The following FNBP1 variants were observed in gnomAD, a reference collection of about 807,000 sequenced individuals.
FNBP1 encodes the protein formin-binding protein 1.
A neutral mutation model predicts 90.6 loss-of-function variants in FNBP1; 26 were observed. The ratio of observed to expected loss-of-function variants is 0.29; its 90% CI spans 0.21 to 0.40. The LOEUF is 0.40. Among genes scored for constraint, FNBP1 ranks in the 10% least tolerant of loss-of-function variants. FNBP1 has a pLI of 1.00. For missense variants in FNBP1, 635 were observed against 768.0 expected (o/e 0.83, Z 2.05); for synonymous variants, 260 against 265.2 (o/e 0.98, Z 0.19).
chr9:130,035,561 C>A (rs1445640799), intron 1 of FNBP1, among the ~76,000 whole-genome samples: 1 of 152,188 alleles, frequency 6.6e-6, no homozygotes, highest in Admixed American at 6.5e-5. Context: ...AACAAATAAA[C>A]AAGATGATGG....
chr9:130,002,256 TAAAC>T (rs1396494591), intron 1 of FNBP1, among the ~76,000 whole-genome samples: 1 of 152,194 alleles, frequency 6.6e-6, no homozygotes, highest in East Asian at 1.9e-4. Context: ...ACTTAGGTAA[TAAAC>T]AACCTAATAG....
chr9:130,023,069 A>G (rs758740365), intron 1 of FNBP1, among the ~76,000 whole-genome samples: 1 of 152,204 alleles, frequency 6.6e-6, no homozygotes, highest in African/African-American at 2.4e-5. Flanking sequence ...CCAAGATATT[A>G]TAAGTGGTAA....
chr9:129,984,067 C>T (rs989642106), intron 2 of FNBP1, among the ~76,000 whole-genome samples: 2 of 152,034 alleles, frequency 1.3e-5, no homozygotes, highest in Non-Finnish European at 2.9e-5. Flanking sequence ...ATGACTTACT[C>T]GGCCCTATTC....
intron 11 of FNBP1, 116 bp downstream of exon 11, chr9:129,915,850 A>C: frequency 1.4e-6 from 1 of 729,894 alleles, no homozygotes; most frequent in Non-Finnish European, 2.4e-6. Flanking sequence ...AGCACACGTA[A>C]GAGAAACACA....
At position 129,974,102 on chromosome 9, in the gene FNBP1, G is replaced by A. The variant is rs765903357; in HGVS notation, c.345+4363C>T. 9.2e-5 allele frequency among the ~76,000 whole-genome samples: 14 copies of A among 152,226 alleles called. No individual in the cohort carries two copies. In the East Asian group the frequency reaches 1.9e-3, roughly 21 times the overall value. On this transcript the variant is annotated intron_variant, in intron 4 of 16. Coordinates refer to ENST00000446176, the MANE Select transcript of FNBP1 (RefSeq NM_015033.3). ...CCTCCCAATTGCTGGGATTACAGGC[G>A]TGAGTCACCGCGCCCAGCCAAACAG...
chr9:129,964,985 G>C (rs1454173711), intron 4 of FNBP1, among the ~76,000 whole-genome samples: 1 of 152,068 alleles, frequency 6.6e-6, no homozygotes, highest in Admixed American at 6.6e-5. Context: ...GACTTGAAAA[G>C]GGCAAAGAAA....
intron 9 of FNBP1, among the ~76,000 whole-genome samples, 173 bp from the exon 10 acceptor site, chr9:129,924,199 A>G (rs2041538911): frequency 6.6e-6 from 1 of 152,228 alleles, no homozygotes; most frequent in African/African-American, 2.4e-5. Context: ...GAAGAATATG[A>G]TGAGAGTTGG....
intron 4 of FNBP1, 109 bp from the exon 5 acceptor site, chr9:129,958,662 A>G: frequency 2.4e-6 from 2 of 846,538 alleles, no homozygotes; most frequent in Non-Finnish European, 3.8e-6. Flanking sequence ...AACCTCTAGT[A>G]TGTATGCTCC....
chr9:129,951,887 G>A (rs911538551), intron 6 of FNBP1, among the ~76,000 whole-genome samples: 1 of 151,974 alleles, frequency 6.6e-6, no homozygotes, highest in Non-Finnish European at 1.5e-5. Flanking sequence ...ACAATACCGT[G>A]AAAAGCATGA....
chr9:130,046,706 T>C (rs910238479), upstream of FNBP1, among the ~76,000 whole-genome samples: 16 of 133,962 alleles, frequency 1.2e-4, no homozygotes, highest in African/African-American at 4.4e-4. Context: ...AGGCGGAGGG[T>C]GCGGTGAGCT....
At chr9:129,930,336 T>A (rs981407209) in intron 6 of FNBP1, among the ~76,000 whole-genome samples, 2 of 152,150 alleles carry the variant, frequency 1.3e-5, no homozygotes, top group Non-Finnish European at 2.9e-5. Context: ...GTGCTGGGAT[T>A]ATGGGCATGA....
At chr9:129,981,213 G>A (rs1265640960) in intron 2 of FNBP1, among the ~76,000 whole-genome samples, 1 of 151,972 alleles carries the variant, frequency 6.6e-6, no homozygotes, top group Non-Finnish European at 1.5e-5. Flanking sequence ...CTCGCCTCCC[G>A]AGTACCTGGG....
intron 10 of FNBP1, among the ~76,000 whole-genome samples, chr9:129,917,466 G>A (rs2040432043): frequency 1.3e-5 from 2 of 152,080 alleles, no homozygotes; most frequent in African/African-American, 4.8e-5. Context: ...CTGAGTAGCT[G>A]GGACTATAGG....
At chr9:130,040,536 G>A (rs2059726754) in intron 1 of FNBP1, among the ~76,000 whole-genome samples, 1 of 150,186 alleles carries the variant, frequency 6.7e-6, no homozygotes, top group Middle Eastern at 3.5e-3. Flanking sequence ...CAGGAGAATC[G>A]TTTGAACCTG....
chr9:130,017,984 G>A (rs1373224272), intron 1 of FNBP1, among the ~76,000 whole-genome samples: 2 of 132,554 alleles, frequency 1.5e-5, no homozygotes, highest in Non-Finnish European at 3.1e-5. Flanking sequence ...TGCAATCTCG[G>A]CTCACTGCAA....
At chr9:129,944,022 CTGA>C (rs1034515751) in intron 6 of FNBP1, among the ~76,000 whole-genome samples, 3 of 137,642 alleles carry the variant, frequency 2.2e-5, no homozygotes, top group Non-Finnish European at 3.1e-5. Context: ...TGCTATCGTT[CTGA>C]TGATCTTCAC....
chr9:129,891,347 C>G (rs942576793), intron 16 of FNBP1, among the ~76,000 whole-genome samples: 5 of 152,070 alleles, frequency 3.3e-5, no homozygotes, highest in African/African-American at 1.2e-4. Context: ...GCCTGTAGTC[C>G]CGGCTATTCG....
chr9:129,927,449 G>T, intron 7 of FNBP1, 108 bp from the exon 8 acceptor site: 1 of 1,071,978 alleles, frequency 9.3e-7, no homozygotes, highest in Non-Finnish European at 1.4e-6. Context: ...GGAAAAAATG[G>T]GTTAGAGTTA....
intron 1 of FNBP1, among the ~76,000 whole-genome samples, chr9:130,024,320 G>C (rs1413956007): frequency 6.6e-6 from 1 of 151,922 alleles, no homozygotes; most frequent in East Asian, 1.9e-4. Flanking sequence ...GCGTGGTAGT[G>C]TGCACCTGAG....
Sources: gnomAD v4.1 joint callset for allele counts (sites outside exome capture counted in the v4.1 genomes callset) on GRCh38, gnomAD v4.1.1 for gene constraint, MANE v1.5 for transcripts, NCBI Gene and HGNC (gene_info 2026-07-23, HGNC 2026-07-21) for gene names.